Variants in UTS2 observed in about 807,000 individuals in gnomAD.
UTS2 encodes urotensin 2, also known as urotensin-2.
In UTS2, 10 loss-of-function variants were observed where a neutral mutation model predicts 12.6. That is an observed-to-expected ratio of 0.80 (90% CI 0.49 to 1.35). The LOEUF (loss-of-function observed/expected upper bound fraction) is 1.35. Ranked by LOEUF, UTS2 falls within the 40% of genes most tolerant of loss-of-function variation. The pLI is 0.00. For synonymous variants in UTS2, 52 were observed against 50.0 expected (o/e 1.04, Z -0.17); for missense variants, 142 against 143.2 (o/e 0.99, Z 0.04).
the UTS2 span, among the ~76,000 whole-genome samples, chr1:7,863,239 G>C: frequency 6.6e-6 from 1 of 151,954 alleles, no homozygotes. Context: ...AGCCTCCCGA[G>C]TAGCTGGGAT....
chr1:7,905,764 G>A, the UTS2 span, among the ~76,000 whole-genome samples: 1 of 152,134 alleles, frequency 6.6e-6, no homozygotes, highest in Non-Finnish European at 1.5e-5. Context: ...TTGGTGAATT[G>A]TTTCTTATTT....
the UTS2 span, among the ~76,000 whole-genome samples, chr1:7,889,509 T>G: frequency 9.1e-4 from 109 of 119,584 alleles, no homozygotes; most frequent in African/African-American, 3.4e-3. Flanking sequence ...TTCAACTCAA[T>G]ATGAGAAAGA....
At chr1:7,854,439 G>A (rs749933713), upstream of UTS2, among the ~76,000 whole-genome samples, 76 of 150,380 alleles carry the variant, frequency 5.1e-4, no homozygotes, top group Non-Finnish European at 9.3e-4. Flanking sequence ...TTGAGCCTGG[G>A]AAGTTGAGGC....
the UTS2 span, among the ~76,000 whole-genome samples, chr1:7,869,420 T>C: frequency 2.6e-5 from 4 of 152,148 alleles, no homozygotes; most frequent in Admixed American, 6.5e-5. Context: ...CTCCCCAAAA[T>C]AGGGGTGAGC....
rs763688114 is a variant in UTS2, at chr1:7,847,876, C to G, written c.265G>C (p.Asp89His). The change falls in exon 4 of 4, where the codon GAT (aspartate) becomes CAT (histidine). Residue 89 changes from aspartate (D) to histidine (H), a missense_variant. Coordinates refer to ENST00000361696, the MANE Select transcript of UTS2 (RefSeq NM_006786.4). ...ATGTTAGGATCTTGTCCAGAGAAAT[C>G]CTGAAACTAAAACAATCCAAACGAA... ...NPRGNLRKFQ[D>H]FSGQDPNILL... is the part of the protein sequence containing the mutation. The G allele has an allele frequency of 8.7e-6, 14 of 1,607,414 alleles. No individual in the cohort carries two copies. Among genetic ancestry groups the G allele is most frequent in the Non-Finnish European group, 1.1e-5 (13 of 1,176,892 alleles).
chr1:7,853,088 T>C (rs1270162448), upstream of UTS2: 2 of 1,529,102 alleles, frequency 1.3e-6, no homozygotes, highest in Non-Finnish European at 1.7e-6. Context: ...GCTCACTGAT[T>C]ATATATATCA....
At chr1:7,910,514 G>T in the UTS2 span, among the ~76,000 whole-genome samples, 1 of 152,102 alleles carries the variant, frequency 6.6e-6, no homozygotes, top group Non-Finnish European at 1.5e-5. Context: ...CTACATGGCT[G>T]TCCATACTCT....
At chr1:7,902,874 TCCTTCCGCGCTCAGAG>T in the UTS2 span, among the ~76,000 whole-genome samples, 1 of 152,168 alleles carries the variant, frequency 6.6e-6, no homozygotes, top group Non-Finnish European at 1.5e-5. Flanking sequence ...AATGCGGGGT[TCCTTCCGCGCTCAGAG>T]CCTTCCCTTT....
intron 3 of UTS2, among the ~76,000 whole-genome samples, 166 bp downstream of exon 3, chr1:7,849,474 G>A (rs139794259): frequency 0.012 from 1,830 of 152,210 alleles, 35 homozygotes; most frequent in African/African-American, 0.041. Flanking sequence ...GCCTCCCAAA[G>A]TGCTGGGATC....
chr1:7,860,310 A>G, the UTS2 span, among the ~76,000 whole-genome samples: 3 of 152,230 alleles, frequency 2.0e-5, no homozygotes, highest in East Asian at 3.9e-4. Context: ...GCTAGCTGAG[A>G]GAAAGAGCCT....
At chr1:7,870,932 A>C in the UTS2 span, among the ~76,000 whole-genome samples, 1 of 152,206 alleles carries the variant, frequency 6.6e-6, no homozygotes, top group Admixed American at 6.5e-5. Context: ...AAAAGGACTT[A>C]TAATGTCTGG....
chr1:7,889,607 C>A, the UTS2 span, among the ~76,000 whole-genome samples: 22,045 of 150,928 alleles, frequency 0.15, 1,916 homozygotes, highest in Non-Finnish European at 0.18. Context: ...GAGTTTGAGA[C>A]CAGCCTGGCC....
chr1:7,852,212 T>G (rs959004404), intron 1 of UTS2, among the ~76,000 whole-genome samples: 1 of 152,222 alleles, frequency 6.6e-6, no homozygotes, highest in African/African-American at 2.4e-5. Flanking sequence ...AAGATAAGAT[T>G]AAATCTAGTT....
chr1:7,880,146 TA>T, the UTS2 span, among the ~76,000 whole-genome samples: 2 of 151,952 alleles, frequency 1.3e-5, no homozygotes, highest in Non-Finnish European at 2.9e-5. Context: ...TAGTCCCAGC[TA>T]CTCAGGAGGC....
At chr1:7,885,127 C>T in the UTS2 span, among the ~76,000 whole-genome samples, 2 of 138,486 alleles carry the variant, frequency 1.4e-5, no homozygotes, top group Admixed American at 1.4e-4. Context: ...ATCCACCCAC[C>T]TATCATCCAT....
the UTS2 span, among the ~76,000 whole-genome samples, chr1:7,867,460 A>T: frequency 6.6e-6 from 1 of 152,228 alleles, no homozygotes; most frequent in South Asian, 2.1e-4. Context: ...CCACAGAGTG[A>T]CATCAGACAC....
the UTS2 span, among the ~76,000 whole-genome samples, chr1:7,893,239 G>A: frequency 2.6e-5 from 4 of 152,204 alleles, no homozygotes; most frequent in African/African-American, 7.2e-5. Flanking sequence ...TAGGCCGGGC[G>A]CAGTGGCTCA....
At chr1:7,883,592 A>C in the UTS2 span, among the ~76,000 whole-genome samples, 1 of 152,208 alleles carries the variant, frequency 6.6e-6, no homozygotes, top group African/African-American at 2.4e-5. Flanking sequence ...TGGATATCCT[A>C]AATGCCCTGA....
At chr1:7,907,504 TAAATTTAAAA>T in the UTS2 span, among the ~76,000 whole-genome samples, 4 of 151,920 alleles carry the variant, frequency 2.6e-5, no homozygotes, top group Non-Finnish European at 5.9e-5. Context: ...AACATTTTTT[TAAATTTAAAA>T]AAATTTAAAA....
Sources: allele counts gnomAD v4.1 joint callset (sites outside exome capture counted in the v4.1 genomes callset), GRCh38; gene constraint gnomAD v4.1.1; transcripts MANE v1.5; gene names NCBI Gene and HGNC (gene_info 2026-07-23, HGNC 2026-07-21).